EFCAB6: variants seen among roughly 807,000 people sequenced by gnomAD.
The protein encoded by EFCAB6 is EF-hand calcium binding domain 6.
In EFCAB6, 156 loss-of-function variants were observed where a neutral mutation model predicts 169.8. The observed-to-expected ratio is 0.92, with a 90% confidence interval of 0.81 to 1.05. EFCAB6 has a LOEUF of 1.05. Among genes scored for constraint, EFCAB6 ranks in the 50% least tolerant of loss-of-function variants. EFCAB6 has a pLI of 0.00. For missense variants in EFCAB6, 1,800 were observed against 1,829.1 expected (o/e 0.98, Z 0.29); for synonymous variants, 698 against 676.4 (o/e 1.03, Z -0.50).
At chr22:43,587,368 A>T (rs557918550) in intron 24 of EFCAB6, among the ~76,000 whole-genome samples, 1 of 152,238 alleles carries the variant, frequency 6.6e-6, no homozygotes, top group East Asian at 1.9e-4. Flanking sequence ...AAAATAGTAC[A>T]TACCTGGTGG....
At chr22:43,581,650 A>G (rs141928302) in intron 24 of EFCAB6, among the ~76,000 whole-genome samples, 8 of 152,376 alleles carry the variant, frequency 5.3e-5, no homozygotes, top group Admixed American at 1.3e-4. Flanking sequence ...TCTCAGCAGC[A>G]TTGGGCTCAA....
intron 17 of EFCAB6, among the ~76,000 whole-genome samples, chr22:43,643,349 A>G (rs2055929764): frequency 1.3e-5 from 2 of 152,248 alleles, no homozygotes; most frequent in Admixed American, 1.3e-4. Flanking sequence ...ACGGGACAAC[A>G]TTGTCTCATA....
intron 30 of EFCAB6, among the ~76,000 whole-genome samples, chr22:43,533,859 C>A (rs1348683598): frequency 6.6e-6 from 1 of 152,186 alleles, no homozygotes; most frequent in South Asian, 2.1e-4. Flanking sequence ...ACAGATGAGT[C>A]CTGGCTGGAA....
intron 20 of EFCAB6, among the ~76,000 whole-genome samples, chr22:43,624,832 A>G (rs1381184292): frequency 1.3e-5 from 2 of 152,344 alleles, no homozygotes; most frequent in Middle Eastern, 3.4e-3. Flanking sequence ...GAGTGTATAC[A>G]TACAATAATA....
At chr22:43,674,191 CT>C (rs1603136845) in intron 13 of EFCAB6, among the ~76,000 whole-genome samples, 1 of 152,158 alleles carries the variant, frequency 6.6e-6, no homozygotes, top group Non-Finnish European at 1.5e-5. Flanking sequence ...AATAACAATG[CT>C]TTGGTGTTAG....
At chr22:43,548,539 C>CAAAAAAAAAAAAAAAAA (rs397868076) in intron 27 of EFCAB6, among the ~76,000 whole-genome samples, 2 of 36,750 alleles carry the variant, frequency 5.4e-5, no homozygotes, top group African/African-American at 1.1e-4. Flanking sequence ...GAATCCATCT[C>CAAAAAAAAAAAAAAAAA]AAAAAAAAAA....
intron 26 of EFCAB6, among the ~76,000 whole-genome samples, chr22:43,558,575 G>A (rs1039066955): frequency 1.3e-5 from 2 of 152,162 alleles, no homozygotes; most frequent in African/African-American, 2.4e-5. Context: ...TCATGAAAGA[G>A]ACAGTCAATT....
chr22:43,766,575 C>A (rs2061332854), intron 4 of EFCAB6, among the ~76,000 whole-genome samples: 1 of 152,076 alleles, frequency 6.6e-6, no homozygotes, highest in South Asian at 2.1e-4. Context: ...AGTAAAGTGG[C>A]AGGATCTCAG....
At chr22:43,748,152 TG>T (rs1303640249) in intron 6 of EFCAB6, among the ~76,000 whole-genome samples, 2 of 152,202 alleles carry the variant, frequency 1.3e-5, no homozygotes, top group Non-Finnish European at 2.9e-5. Flanking sequence ...CAGGTACGCC[TG>T]ACTCCAGTTG....
At chr22:43,746,204 T>C (rs1341743238) in intron 6 of EFCAB6, among the ~76,000 whole-genome samples, 2 of 152,226 alleles carry the variant, frequency 1.3e-5, no homozygotes, top group Non-Finnish European at 2.9e-5. Flanking sequence ...CTCATTGCTC[T>C]GGCAGTTGCC....
intron 23 of EFCAB6, among the ~76,000 whole-genome samples, chr22:43,598,768 C>T (rs1418787308): frequency 6.6e-6 from 1 of 152,080 alleles, no homozygotes; most frequent in Non-Finnish European, 1.5e-5. Flanking sequence ...TAAATATATG[C>T]TCCTACTATG....
At chr22:43,621,316 G>C (rs2054101326) in intron 20 of EFCAB6, among the ~76,000 whole-genome samples, 1 of 151,866 alleles carries the variant, frequency 6.6e-6, no homozygotes, top group Non-Finnish European at 1.5e-5. Flanking sequence ...TGACTAGGCT[G>C]GTCTTGAACT....
chr22:43,710,421 G>T (rs749572474), intron 10 of EFCAB6, among the ~76,000 whole-genome samples: 11 of 152,178 alleles, frequency 7.2e-5, no homozygotes, highest in Non-Finnish European at 1.2e-4. Flanking sequence ...TTAAAGTAAT[G>T]AGTTCTTAAT....
chr22:43,754,816 G>T (rs975914475), intron 6 of EFCAB6, among the ~76,000 whole-genome samples: 16 of 152,146 alleles, frequency 1.1e-4, no homozygotes, highest in Non-Finnish European at 2.1e-4. Context: ...AGTTTAAAGA[G>T]TAAGAAGACA....
At chr22:43,741,701 C>T (rs974548436) in intron 6 of EFCAB6, among the ~76,000 whole-genome samples, 20 of 152,188 alleles carry the variant, frequency 1.3e-4, no homozygotes, top group African/African-American at 4.1e-4. Context: ...AGAGTGGATT[C>T]GCAGCCGTGT....
intron 27 of EFCAB6, among the ~76,000 whole-genome samples, chr22:43,550,623 GT>G (rs2048325430): frequency 1.3e-5 from 2 of 148,512 alleles, no homozygotes; most frequent in African/African-American, 5.0e-5. Context: ...AGTGAGTCGA[GT>G]TTGCACCACT....
At chr22:43,533,757 G>T (rs2047219044) in intron 30 of EFCAB6, among the ~76,000 whole-genome samples, 1 of 152,052 alleles carries the variant, frequency 6.6e-6, no homozygotes, top group Non-Finnish European at 1.5e-5. Context: ...GAGCAAATGG[G>T]GTGGCTAAGT....
chr22:43,601,814 C>T (rs2052544773), intron 22 of EFCAB6, among the ~76,000 whole-genome samples: 1 of 152,354 alleles, frequency 6.6e-6, no homozygotes, highest in Admixed American at 6.5e-5. Flanking sequence ...CACCACCCTT[C>T]CCAAAGGCCA....
At chr22:43,667,076 A>G (rs1323771104) in intron 17 of EFCAB6, 28 bp downstream of exon 17, 12 of 1,603,254 alleles carry the variant, frequency 7.5e-6, no homozygotes, top group Non-Finnish European at 1.0e-5. Flanking sequence ...TCTGCAGGAT[A>G]GAAACAAAGA....
Sources: gnomAD v4.1 joint callset for allele counts (sites outside exome capture counted in the v4.1 genomes callset) on GRCh38, gnomAD v4.1.1 for gene constraint, MANE v1.5 for transcripts, NCBI Gene and HGNC (gene_info 2026-07-23, HGNC 2026-07-21) for gene names.